FUCA1: variants seen among roughly 807,000 people sequenced by gnomAD.
FUCA1 encodes the protein tissue alpha-L-fucosidase.
Under a neutral mutation model 56.8 loss-of-function variants are expected in FUCA1, and 52 were observed. The observed-to-expected ratio is 0.92, with a 90% confidence interval of 0.73 to 1.15. The LOEUF is 1.15. Ranked by LOEUF, FUCA1 falls within the 50% of genes most tolerant of loss-of-function variation. FUCA1 has a pLI of 0.00. For missense variants in FUCA1, 568 were observed against 592.6 expected (o/e 0.96, Z 0.43); for synonymous variants, 230 against 226.6 (o/e 1.02, Z -0.14).
At chr1:23,854,199 T>A (rs956778406) in intron 5 of FUCA1, among the ~76,000 whole-genome samples, 161 bp downstream of exon 5, 2 of 151,838 alleles carry the variant, frequency 1.3e-5, no homozygotes, top group African/African-American at 4.8e-5. Context: ...CCTCCTAAAT[T>A]TTGTTTATAA....
At chr1:23,850,054 C>T (rs1037813630) in intron 5 of FUCA1, among the ~76,000 whole-genome samples, 1 of 152,014 alleles carries the variant, frequency 6.6e-6, no homozygotes, top group Non-Finnish European at 1.5e-5. Flanking sequence ...GTGGATCACA[C>T]CTGTAATCCC....
chr1:23,845,763 A>G lies in FUCA1; in HGVS notation c.1353T>C (p.Ala451=), dbSNP rs778770596. The change falls in exon 8 of 8, where the codon GCT becomes GCC. Residue 451 remains alanine, a synonymous_variant. Coordinates refer to ENST00000374479, the MANE Select transcript of FUCA1 (RefSeq NM_000147.5). ...TAGTCCAAGCAAACTCTGCGGGGAC[A>G]GCAGAGGGTGGCAACTGGGGTAGAG... is the stretch of plus-strand genomic sequence containing the variant. The part of the protein sequence containing the change: ...FISLPQLPPS[A]VPAEFAWTIK... 3 of 1,614,174 alleles carry G rather than the reference A, an allele frequency of 1.9e-6. No homozygotes were observed. In the South Asian group the frequency reaches 3.3e-5, roughly 18 times the overall value.
Position 23,859,842 on chromosome 1 carries a change from A to T in FUCA1, c.724T>A (p.Ser242Thr). The T allele has an allele frequency of 6.2e-7, 1 of 1,613,632 alleles. No individual in the cohort carries two copies. Among genetic ancestry groups the T allele is most frequent in the Non-Finnish European group, 8.5e-7 (1 of 1,179,546 alleles). Residue 242 changes from serine to threonine, a missense_variant, in exon 4 of 8, where the codon TCC becomes ACC. Physicochemically the swap from Ser to Thr is moderately conservative, Grantham distance 58 (BLOSUM62 1). Coordinates refer to ENST00000374479, the MANE Select transcript of FUCA1 (RefSeq NM_000147.5). ...TAGAGCCATGAAAGAAAATTTGTGG[A>T]GTTCCAGTAAGTATCAGGACATTCC... ...EWECPDTYWN[S>T]TNFLSWLYND... is the part of the protein sequence containing the mutation.
intron 4 of FUCA1, among the ~76,000 whole-genome samples, chr1:23,856,399 C>T (rs900389137): frequency 1.3e-5 from 2 of 152,178 alleles, no homozygotes; most frequent in Non-Finnish European, 2.9e-5. Context: ...CTTTGGCATT[C>T]GAACCAGTGT....
chr1:23,852,856 C>A (rs900859878), intron 5 of FUCA1, among the ~76,000 whole-genome samples: 3 of 151,946 alleles, frequency 2.0e-5, no homozygotes, highest in African/African-American at 7.2e-5. Flanking sequence ...CCTGCCTTGG[C>A]CTCCCAAAGT....
At chr1:23,847,435 A>G (rs922836855) in intron 6 of FUCA1, among the ~76,000 whole-genome samples, 13 of 152,016 alleles carry the variant, frequency 8.6e-5, no homozygotes, top group African/African-American at 2.9e-4. Context: ...GTTTGAATGC[A>G]TCTCCCAAAT....
Position 23,867,771 on chromosome 1 carries a change from AG to A in FUCA1, c.389+126del. 7.0e-7 allele frequency: 1 copy of A among 1,425,926 alleles called. No individual in the cohort carries two copies. 88.3% of individuals were successfully genotyped at this position (1,425,926 alleles called of 1,614,324 possible). A position where few individuals can be genotyped will look rare whatever the true frequency, so the allele number is the denominator to read the frequency against. ...CCAGGCTCACTCCTGTGGCCGCAGG[AG>A]GCCACACGCGGGCCCCGGGGTCATG... On this transcript the variant is annotated intron_variant, in intron 1 of 7. Transcript: ENST00000374479. This position sits in a 1 kb window ranked among gnomAD's most constrained non-coding sequence, Gnocchi z 4.9.
rs1343267327 is a variant in FUCA1 at position 23,846,084 on chromosome 1, G to A, written c.1250C>T (p.Ser417Leu). The A allele has an allele frequency of 1.8e-5, 29 of 1,612,436 alleles. No individual in the cohort carries two copies. Among genetic ancestry groups the A allele is most frequent in the Non-Finnish European group, 2.3e-5 (27 of 1,178,490 alleles). Residue 417 changes from serine to leucine, a missense_variant, in exon 7 of 8, where the codon TCA (serine) becomes TTA (leucine). Transcript: ENST00000374479. Reference protein sequence around the residue: ...VLNLESPITTSTTKITMLGIQ... With the variant: ...VLNLESPITTLTTKITMLGIQ... ...ACTAAGCCTCTTTACCTTTGTAGTT[G>A]AGGTAGTTATGGGGGATTCAAGGTT...
intron 5 of FUCA1, among the ~76,000 whole-genome samples, chr1:23,850,749 G>A (rs1639238348): frequency 6.6e-6 from 1 of 152,112 alleles, no homozygotes; most frequent in Admixed American, 6.6e-5. Flanking sequence ...GCCTCCCAAA[G>A]TGCTGGGATT....
In FUCA1 at chr1:23,845,527, A is replaced by G; in HGVS notation, c.*188T>C. On this transcript the variant is annotated 3_prime_UTR_variant, in exon 8 of 8. Transcript: ENST00000374479. ...CTGACCTGATACAGATATAATCACA[A>G]TGGATCTCAGATCTTTGGTCCATTT... The G allele has an allele frequency of 4.5e-6, 3 of 666,124 alleles. No individual in the cohort carries two copies. Among genetic ancestry groups the G allele is most frequent in the Non-Finnish European group, 7.9e-6 (3 of 379,780 alleles). 41.3% of individuals were successfully genotyped at this position (666,124 alleles called of 1,614,324 possible).
At chr1:23,854,668 A>G in intron 4 of FUCA1, 108 bp from the exon 5 acceptor site, 1 of 939,018 alleles carries the variant, frequency 1.1e-6, no homozygotes, top group East Asian at 2.4e-5. Context: ...AGTCTAGAGC[A>G]GTGGCTGTCA....
chr1:23,858,608 C>T (rs1639443644), intron 4 of FUCA1, among the ~76,000 whole-genome samples: 1 of 152,126 alleles, frequency 6.6e-6, no homozygotes, highest in South Asian at 2.1e-4. Flanking sequence ...GCAACATTCC[C>T]CCAAGGATTT....
intron 5 of FUCA1, among the ~76,000 whole-genome samples, chr1:23,850,492 A>T (rs1172227470): frequency 2.0e-5 from 3 of 151,628 alleles, no homozygotes; most frequent in African/African-American, 4.8e-5. Context: ...TTTAAAAAAA[A>T]TTTTTGTTTC....
chr1:23,868,259 G>C lies in FUCA1; in HGVS notation c.28C>G (p.Pro10Ala). 3.9e-6 allele frequency: 6 copies of C among 1,557,222 alleles called. No individual in the cohort carries two copies. The highest frequency in any genetic ancestry group is 5.2e-6 in the Non-Finnish European group (6 of 1,152,802). ...AGCAGCAACAGCGCGGGACCCGCCGGCCGCGACCTCATCCCCGGAGCCCGC... is the reference window on the plus strand; with the variant it reads ...AGCAGCAACAGCGCGGGACCCGCCGCCCGCGACCTCATCCCCGGAGCCCGC... MRAPGMRSRPAGPALLLLLL... is the reference protein window; with the variant it reads MRAPGMRSRAAGPALLLLLL... Residue 10 changes from proline to alanine, a missense_variant, in exon 1 of 8, where the codon CCG becomes GCG. Pro to Ala is a conservative substitution (Grantham distance 27). Coordinates refer to ENST00000374479, the MANE Select transcript of FUCA1 (RefSeq NM_000147.5).
rs574374235 is a variant in FUCA1 at position 23,852,987 on chromosome 1, TGAG to T, written c.969+1370_969+1372del. On this transcript the variant is annotated intron_variant, in intron 5 of 7. Transcript: ENST00000374479. ...CTGCCTGGCTACCCAGTCTGGAAAA[TGAG>T]GAGCGTCTCTGCCCGGCCGCCATCC... Among the ~76,000 whole-genome samples the T allele has an allele frequency of 6.8e-3, 976 of 144,470 alleles. 11 individuals carry two copies. Among genetic ancestry groups the T allele is most frequent in the African/African-American group, 0.025 (942 of 38,226 alleles). The allele number at this position is 144,470 out of a possible 152,430, so 94.8% of individuals were successfully genotyped here. A position where few individuals can be genotyped will look rare whatever the true frequency, so the allele number is the denominator to read the frequency against.
intron 6 of FUCA1, among the ~76,000 whole-genome samples, chr1:23,848,328 A>G (rs1392993782): frequency 6.6e-6 from 1 of 152,174 alleles, no homozygotes; most frequent in African/African-American, 2.4e-5. Flanking sequence ...TATGAATGGA[A>G]AGAATTTTGG....
At chr1:23,853,929 A>AAGGCC (rs1432684886) in intron 5 of FUCA1, among the ~76,000 whole-genome samples, 1 of 150,478 alleles carries the variant, frequency 6.6e-6, no homozygotes, top group African/African-American at 2.4e-5. Context: ...AACACTGCGG[A>AAGGCC]AGGCCGCAGG....
intron 3 of FUCA1, among the ~76,000 whole-genome samples, chr1:23,860,853 G>C (rs1308372561): frequency 1.3e-5 from 2 of 151,674 alleles, no homozygotes; most frequent in Non-Finnish European, 2.9e-5. Context: ...TGGCCAGGCT[G>C]GTCTTGAACT....
rs532276910 is a variant in FUCA1, at chr1:23,867,592, A to C, written c.389+306T>G. On this transcript the variant is annotated intron_variant, in intron 1 of 7. Coordinates refer to ENST00000374479, the MANE Select transcript of FUCA1 (RefSeq NM_000147.5). This position sits in a 1 kb window ranked among gnomAD's most constrained non-coding sequence, Gnocchi z 4.9. Reference sequence around the variant, plus strand: ...TGATTTGAAACCCTGGAGTCCTGATAGTGCTGTCAATCTGAAAGGGACATC... The same window carrying C: ...TGATTTGAAACCCTGGAGTCCTGATCGTGCTGTCAATCTGAAAGGGACATC... The C allele has an allele frequency of 2.6e-6, 1 of 390,476 alleles. No homozygotes were observed. Among genetic ancestry groups the C allele is most frequent in the South Asian group, 1.1e-4 (1 of 9,458 alleles). 24.2% of individuals were successfully genotyped at this position (390,476 alleles called of 1,614,324 possible). A position where few individuals can be genotyped will look rare whatever the true frequency, so the allele number is the denominator to read the frequency against.
Sources: gnomAD v4.1 joint callset for allele counts (sites outside exome capture counted in the v4.1 genomes callset) on GRCh38, gnomAD v4.1.1 for gene constraint, Gnocchi (gnomAD v3.1) non-coding constraint, MANE v1.5 for transcripts, NCBI Gene and HGNC (gene_info 2026-07-23, HGNC 2026-07-21) for gene names.